Variants in CNTN5 observed in about 807,000 individuals in gnomAD.
The protein encoded by CNTN5 is contactin 5.
Under a neutral mutation model 129.1 loss-of-function variants are expected in CNTN5, and 77 were observed. That is an observed-to-expected ratio of 0.60 (90% CI 0.50 to 0.72). CNTN5 has a LOEUF of 0.72. Among genes scored for constraint, CNTN5 ranks in the 30% least tolerant of loss-of-function variants. The pLI is 0.00. For synonymous variants in CNTN5, 509 were observed against 465.6 expected, an observed-to-expected ratio of 1.09 and a Z score of -1.20; for missense variants, 1,478 against 1,328.8, an observed-to-expected ratio of 1.11 and a Z score of -1.75.
At chr11:99,923,093 A>T (rs1043370677) in intron 7 of CNTN5, among the ~76,000 whole-genome samples, 2 of 152,186 alleles carry the variant, frequency 1.3e-5, no homozygotes, top group African/African-American at 4.8e-5. Flanking sequence ...CCATTTTCTT[A>T]TTACCTCAAA....
At chr11:99,119,242 A>T (rs981154200) in intron 1 of CNTN5, among the ~76,000 whole-genome samples, 23 of 152,294 alleles carry the variant, frequency 1.5e-4, no homozygotes, top group Admixed American at 1.0e-3. Flanking sequence ...TTTGTCATCC[A>T]GGTATTAAGC....
chr11:99,367,617 T>C (rs1366880514), intron 2 of CNTN5, among the ~76,000 whole-genome samples: 3 of 152,130 alleles, frequency 2.0e-5, no homozygotes, highest in Admixed American at 6.5e-5. Flanking sequence ...CTGAGTAACA[T>C]TGGCATGGAA....
intron 1 of CNTN5, among the ~76,000 whole-genome samples, chr11:99,222,279 G>A (rs920452427): frequency 1.3e-5 from 2 of 151,520 alleles, no homozygotes; most frequent in Non-Finnish European, 3.0e-5. Flanking sequence ...ATAAGAAAAT[G>A]TTTATACATA....
chr11:99,963,651 G>T (rs1951013027), intron 8 of CNTN5, among the ~76,000 whole-genome samples: 1 of 152,006 alleles, frequency 6.6e-6, no homozygotes, highest in South Asian at 2.1e-4. Flanking sequence ...GCTCTTTTTT[G>T]GTTCCATATG....
chr11:100,059,185 G>T (rs1943361157), intron 9 of CNTN5, among the ~76,000 whole-genome samples: 1 of 152,104 alleles, frequency 6.6e-6, no homozygotes, highest in African/African-American at 2.4e-5. Flanking sequence ...CTTATTTAAT[G>T]ATGCTGAAAT....
intron 23 of CNTN5, among the ~76,000 whole-genome samples, chr11:100,346,181 TAAAC>T: frequency 6.6e-6 from 1 of 152,276 alleles, no homozygotes; most frequent in South Asian, 2.1e-4. Flanking sequence ...TAAATGTTTT[TAAAC>T]AAATAAAATT....
At chr11:99,319,884 C>G (rs1450472101) in intron 1 of CNTN5, among the ~76,000 whole-genome samples, 1 of 152,052 alleles carries the variant, frequency 6.6e-6, no homozygotes, top group Non-Finnish European at 1.5e-5. Context: ...GGAGAAGAAA[C>G]AGACCTGAGA....
chr11:99,806,011 C>T (rs550508412), intron 3 of CNTN5, among the ~76,000 whole-genome samples: 21 of 152,282 alleles, frequency 1.4e-4, no homozygotes, highest in Non-Finnish European at 2.8e-4. Context: ...TACACATTTT[C>T]AAGCATTGTT....
At chr11:99,471,495 G>A (rs1292869550) in intron 2 of CNTN5, among the ~76,000 whole-genome samples, 2 of 152,060 alleles carry the variant, frequency 1.3e-5, no homozygotes, top group African/African-American at 4.8e-5. Flanking sequence ...GAAGAGACAG[G>A]TTAGCTAGCG....
intron 1 of CNTN5, among the ~76,000 whole-genome samples, chr11:99,051,271 T>G (rs942154538): frequency 6.6e-6 from 1 of 151,962 alleles, no homozygotes; most frequent in South Asian, 2.1e-4. Context: ...CAACTTAGTT[T>G]AATTCAATGT....
intron 2 of CNTN5, among the ~76,000 whole-genome samples, chr11:99,422,529 TATATATATATA>T (rs1942944233): frequency 1.0e-4 from 5 of 48,196 alleles, no homozygotes; most frequent in African/African-American, 2.8e-4. Flanking sequence ...TATATATATA[TATATATATATA>T]TATATATATA....
rs569663326 is a variant in CNTN5, at chr11:99,046,240, T to C, written c.-210+24970T>C. On this transcript the variant is annotated intron_variant, in intron 1 of 24. Transcript: ENST00000524871. ...CTGTAATCCCAGCTACTTGGGAGGC[T>C]GATGCCTGAGAATCGCTTGAACCCA... 2.6e-5 allele frequency among the ~76,000 whole-genome samples: 4 copies of C among 152,230 alleles called. No homozygotes were observed. In the South Asian group the frequency reaches 8.3e-4, roughly 32 times the overall value.
chr11:99,387,183 A>G (rs1484891433), intron 2 of CNTN5, among the ~76,000 whole-genome samples: 3 of 152,194 alleles, frequency 2.0e-5, no homozygotes, highest in Non-Finnish European at 4.4e-5. Flanking sequence ...CATAGGAAAC[A>G]CCAAACTCAT....
At chr11:100,196,138 A>G (rs905176481) in intron 15 of CNTN5, among the ~76,000 whole-genome samples, 2 of 151,858 alleles carry the variant, frequency 1.3e-5, no homozygotes, top group African/African-American at 2.4e-5. Context: ...AAAAATGAAA[A>G]TGGGATTCCG....
chr11:99,718,769 A>G (rs1349162152), intron 3 of CNTN5, among the ~76,000 whole-genome samples: 1 of 152,132 alleles, frequency 6.6e-6, no homozygotes, highest in Non-Finnish European at 1.5e-5. Context: ...AAGTGTCACA[A>G]ACACCATATT....
intron 3 of CNTN5, among the ~76,000 whole-genome samples, chr11:99,734,637 C>T (rs570429876): frequency 2.0e-5 from 3 of 152,080 alleles, no homozygotes; most frequent in South Asian, 2.1e-4. Context: ...GTTTTCCATA[C>T]GTAGTCGTTT....
chr11:99,557,219 G>A (rs1232929541), intron 3 of CNTN5, among the ~76,000 whole-genome samples: 1 of 150,860 alleles, frequency 6.6e-6, no homozygotes, highest in Non-Finnish European at 1.5e-5. Flanking sequence ...TGATCATTCA[G>A]TACTCTATGC....
intron 3 of CNTN5, among the ~76,000 whole-genome samples, chr11:99,791,726 T>C (rs141032578): frequency 1.4e-3 from 217 of 152,284 alleles, no homozygotes; most frequent in African/African-American, 5.0e-3. Flanking sequence ...TTTTTAACAA[T>C]CTTGATTATT....
chr11:99,693,876 A>G (rs191317464), intron 3 of CNTN5, among the ~76,000 whole-genome samples: 2 of 152,222 alleles, frequency 1.3e-5, no homozygotes, highest in Admixed American at 1.3e-4. Context: ...TTCCCTATTG[A>G]TGAAGGAGAT....
Sources: allele counts gnomAD v4.1 joint callset (sites outside exome capture counted in the v4.1 genomes callset), GRCh38; gene constraint gnomAD v4.1.1; transcripts MANE v1.5; gene names NCBI Gene and HGNC (gene_info 2026-07-23, HGNC 2026-07-21).